RNF11: variants seen among roughly 807,000 people sequenced by gnomAD.
The protein encoded by RNF11 is ring finger protein 11.
RNF11 carries 4 observed loss-of-function variants against 15.8 expected under a neutral mutation model. The observed-to-expected ratio is 0.25, with a 90% CI of 0.12 to 0.58. RNF11 has a LOEUF of 0.58. RNF11 is among the 20% of genes least tolerant of loss of function. The pLI, the probability that RNF11 is intolerant of heterozygous loss-of-function variation, is 0.91. For missense variants in RNF11, 139 were observed against 194.4 expected (o/e 0.71, Z 1.70); for synonymous variants, 68 against 72.3 (o/e 0.94, Z 0.30).
chr1:51,254,022 C>G (rs1405703821), intron 1 of RNF11, among the ~76,000 whole-genome samples: 1 of 151,024 alleles, frequency 6.6e-6, no homozygotes, highest in East Asian at 1.9e-4. Context: ...GATTTTAAAG[C>G]TCTACACGAT....
intron 1 of RNF11, among the ~76,000 whole-genome samples, chr1:51,237,511 A>G (rs1481128779): frequency 6.6e-6 from 1 of 150,484 alleles, no homozygotes; most frequent in Admixed American, 6.6e-5. Context: ...CATATGACAC[A>G]CCTTTTAAAC....
At chr1:51,258,606 G>C (rs377491241) in intron 1 of RNF11, among the ~76,000 whole-genome samples, 18 of 152,120 alleles carry the variant, frequency 1.2e-4, no homozygotes, top group African/African-American at 3.9e-4. Context: ...CACAACATAT[G>C]GCACATAAAT....
intron 1 of RNF11, among the ~76,000 whole-genome samples, chr1:51,251,695 T>C (rs1475039280): frequency 6.6e-6 from 1 of 152,150 alleles, no homozygotes; most frequent in Non-Finnish European, 1.5e-5. Context: ...CCCACACCTT[T>C]GGGAGGCCGA....
Position 51,236,427 on chromosome 1 carries a change from A to C in RNF11, c.-330A>C. The C allele has an allele frequency of 2.2e-5, 4 of 180,200 alleles. No individual in the cohort carries two copies. The highest frequency in any genetic ancestry group is 4.5e-5 in the Non-Finnish European group (4 of 88,266). 11.2% of individuals were successfully genotyped at this position (180,200 alleles called of 1,614,324 possible). On this transcript the variant is annotated 5_prime_UTR_variant, in exon 1 of 3. Coordinates refer to ENST00000242719, the MANE Select transcript of RNF11 (RefSeq NM_014372.5). ...GCCGCGCCCCCCCCCGCTGACCTGG[A>C]TTAGGCCCAGCAGCTCCGTGGCCGC... is the stretch of plus-strand genomic sequence containing the variant.
intron 1 of RNF11, among the ~76,000 whole-genome samples, chr1:51,250,057 A>G (rs116435010): frequency 1.3e-5 from 2 of 152,306 alleles, no homozygotes; most frequent in African/African-American, 4.8e-5. Context: ...AAGTGGTTGC[A>G]CTAATTTTCT....
In RNF11 at chr1:51,271,147, A is replaced by G; in HGVS notation, c.294-4A>G. 1 of 1,613,008 alleles carries G rather than the reference A, an allele frequency of 6.2e-7. No individual in the cohort carries two copies. The highest frequency in any genetic ancestry group is 8.5e-7 in the Non-Finnish European group (1 of 1,179,184). On this transcript the variant is annotated splice_polypyrimidine_tract_variant and splice_region_variant and intron_variant, in intron 2 of 2. Coordinates refer to ENST00000242719, the MANE Select transcript of RNF11 (RefSeq NM_014372.5). Reference sequence around the variant, plus strand: ...TTCTGATTTCTCTCCATTGCTCTCAACAGGTGTGTGATCTGTATGATGGAC... The same window carrying G: ...TTCTGATTTCTCTCCATTGCTCTCAGCAGGTGTGTGATCTGTATGATGGAC...
rs557721913 is a variant in RNF11, at chr1:51,264,118, A to G, written c.124-5838A>G. On this transcript the variant is annotated intron_variant, in intron 1 of 2. Coordinates refer to ENST00000242719, the MANE Select transcript of RNF11 (RefSeq NM_014372.5). ...AATGTATATTTTTAATTAGCGGGGC[A>G]TAGTAGCATGGGCCTGTAGTCCCAG... 7.9e-5 allele frequency among the ~76,000 whole-genome samples: 12 copies of G among 151,476 alleles called. No homozygotes were observed. The South Asian group carries it at 2.5e-3, about 32-fold the overall frequency.
chr1:51,271,553 T>A lies in RNF11; in HGVS notation c.*231T>A. The A allele has an allele frequency of 2.4e-6, 1 of 408,946 alleles. No individual in the cohort carries two copies. The highest frequency in any genetic ancestry group is 4.4e-6 in the Non-Finnish European group (1 of 225,398). 25.3% of individuals were successfully genotyped at this position (408,946 alleles called of 1,614,324 possible). ...AGCCTTGACCCAATGTTTAAAAATATAATTGTATTTAGATCTTGTTATTGC... is the reference window on the plus strand; with the variant it reads ...AGCCTTGACCCAATGTTTAAAAATAAAATTGTATTTAGATCTTGTTATTGC... On this transcript the variant is annotated 3_prime_UTR_variant, in exon 3 of 3. Transcript: ENST00000242719.
Position 51,236,414 on chromosome 1 carries a change from C to G in RNF11, c.-343C>G, listed in dbSNP as rs577428512. 7.6e-5 allele frequency: 13 copies of G among 170,024 alleles called. No homozygotes were observed. Among genetic ancestry groups the G allele is most frequent in the Middle Eastern group, 5.3e-3 (2 of 380 alleles). The allele number at this position is 170,024 out of a possible 1,614,324, so 10.5% of individuals were successfully genotyped here. A position where few individuals can be genotyped will look rare whatever the true frequency, so the allele number is the denominator to read the frequency against. On this transcript the variant is annotated 5_prime_UTR_variant, in exon 1 of 3. Transcript: ENST00000242719. Reference sequence around the variant, plus strand: ...GGCAGCCGCGACGGCCGCGCCCCCCCCCGCTGACCTGGATTAGGCCCAGCA... The same window carrying G: ...GGCAGCCGCGACGGCCGCGCCCCCCGCCGCTGACCTGGATTAGGCCCAGCA...
chr1:51,236,498 GC>G lies in RNF11; in HGVS notation c.-246del, dbSNP rs1157167039. Reference sequence around the variant, plus strand: ...GGGTGGGGAAGTGCTTCGTCTCCCCGCCCCCCCCCCCCCATCGCTGCCTCGC... The same window carrying G: ...GGGTGGGGAAGTGCTTCGTCTCCCCGCCCCCCCCCCCCATCGCTGCCTCGC... On this transcript the variant is annotated 5_prime_UTR_variant, in exon 1 of 3. Transcript: ENST00000242719. 8,669 of 81,016 alleles carry G rather than the reference GC, an allele frequency of 0.11. 207 individuals carry two copies. Among genetic ancestry groups the G allele is most frequent in the African/African-American group, 0.21 (4,250 of 20,150 alleles). The allele number at this position is 81,016 out of a possible 1,614,324, so 5.0% of individuals were successfully genotyped here. A position where few individuals can be genotyped will look rare whatever the true frequency, so the allele number is the denominator to read the frequency against.
chr1:51,251,362 G>A (rs534421784), intron 1 of RNF11: 109 of 1,501,872 alleles, frequency 7.3e-5, no homozygotes, highest in East Asian at 2.1e-4. Context: ...CCCCGTCTAC[G>A]GCTGCGACCC....
rs143611917 is a variant in RNF11, at chr1:51,255,394, G to A, written c.124-14562G>A. Among the ~76,000 whole-genome samples the A allele has an allele frequency of 8.7e-3, 1,317 of 152,250 alleles. 17 individuals carry two copies. The highest frequency in any genetic ancestry group is 0.03 in the African/African-American group (1,229 of 41,532). Reference sequence around the variant, plus strand: ...CCTGCCTCAGCCTCCTGAGTAGCTGGGACTAGAGGTGCATGCCACCACACC... The same window carrying A: ...CCTGCCTCAGCCTCCTGAGTAGCTGAGACTAGAGGTGCATGCCACCACACC... On this transcript the variant is annotated intron_variant, in intron 1 of 2. Transcript: ENST00000242719.
chr1:51,269,684 T>C (rs1009535582), intron 1 of RNF11, among the ~76,000 whole-genome samples: 8 of 152,216 alleles, frequency 5.3e-5, no homozygotes, highest in African/African-American at 1.9e-4. Context: ...GGCTGGTCTC[T>C]TATCATGTGG....
chr1:51,238,918 C>T lies in RNF11; in HGVS notation c.123+2039C>T, dbSNP rs563159776. On this transcript the variant is annotated intron_variant, in intron 1 of 2. Transcript: ENST00000242719. Reference sequence around the variant, plus strand: ...CTAATTTTTGTATTTTTAGTAAAGACGGGGTTTCACCATGTTGGTCAGGCT... The same window carrying T: ...CTAATTTTTGTATTTTTAGTAAAGATGGGGTTTCACCATGTTGGTCAGGCT... Among the ~76,000 whole-genome samples, 17 of 152,070 alleles carry T rather than the reference C, an allele frequency of 1.1e-4. No individual in the cohort carries two copies. The East Asian group carries it at 1.9e-3, about 17-fold the overall frequency.
At position 51,236,503 on chromosome 1, in the gene RNF11, C is replaced by G. The variant is rs940879841; in HGVS notation, c.-254C>G. ...GGGAAGTGCTTCGTCTCCCCGCCCC[C>G]CCCCCCCCATCGCTGCCTCGCAGGA... On this transcript the variant is annotated 5_prime_UTR_variant, in exon 1 of 3. Coordinates refer to ENST00000242719, the MANE Select transcript of RNF11 (RefSeq NM_014372.5). 5.2e-5 allele frequency: 7 copies of G among 134,236 alleles called. No homozygotes were observed. The highest frequency in any genetic ancestry group is 5.0e-5 in the Non-Finnish European group (3 of 59,676). 8.3% of individuals were successfully genotyped at this position (134,236 alleles called of 1,614,324 possible).
intron 1 of RNF11, among the ~76,000 whole-genome samples, chr1:51,252,113 A>G (rs1343742807): frequency 2.6e-5 from 4 of 151,726 alleles, no homozygotes; most frequent in African/African-American, 4.8e-5. Context: ...GAAACAGAAA[A>G]AGAAAATACA....
intron 1 of RNF11, among the ~76,000 whole-genome samples, chr1:51,254,895 A>G (rs374178753): frequency 6.6e-6 from 1 of 152,202 alleles, no homozygotes; most frequent in South Asian, 2.1e-4. Context: ...TTTCAAATGA[A>G]TAGCACATAA....
In RNF11 at chr1:51,236,886, G is replaced by A. The variant is rs768538454; in HGVS notation, c.123+7G>A. 23 of 1,608,878 alleles carry A rather than the reference G, an allele frequency of 1.4e-5. No homozygotes were observed. The highest frequency in any genetic ancestry group is 4.0e-5 in the African/African-American group (3 of 74,782). On this transcript the variant is annotated splice_region_variant and intron_variant, in intron 1 of 2. Coordinates refer to ENST00000242719, the MANE Select transcript of RNF11 (RefSeq NM_014372.5). The stretch of plus-strand genomic sequence containing the variant: ...GCCGCCGCCGCCATATCAGGTAGGG[G>A]AGGGTGTGTGTTGGGGGGAGCGAGT...
chr1:51,269,940 T>A lies in RNF11; in HGVS notation c.124-16T>A. 1 of 1,601,764 alleles carries A rather than the reference T, an allele frequency of 6.2e-7. No individual in the cohort carries two copies. Among genetic ancestry groups the A allele is most frequent in the Non-Finnish European group, 8.5e-7 (1 of 1,173,572 alleles). On this transcript the variant is annotated splice_polypyrimidine_tract_variant and intron_variant, in intron 1 of 2. Transcript: ENST00000242719. ...TTTAAAAAATAATCTTTTTCCTCTA[T>A]ATTTTAATATTTTAGGAACAAGTTC...
Sources: allele counts gnomAD v4.1 joint callset (sites outside exome capture counted in the v4.1 genomes callset), GRCh38; gene constraint gnomAD v4.1.1; transcripts MANE v1.5; gene names NCBI Gene and HGNC (gene_info 2026-07-23, HGNC 2026-07-21).